MKLN1: variants seen among roughly 807,000 people sequenced by gnomAD.
MKLN1 encodes muskelin 1, also known as muskelin.
In MKLN1, 18 loss-of-function variants were observed where a neutral mutation model predicts 99.0. The observed-to-expected ratio is 0.18, with a 90% CI of 0.13 to 0.27. MKLN1 has a LOEUF of 0.27. MKLN1 is among the 10% of genes least tolerant of loss of function. The pLI, the probability that MKLN1 is intolerant of heterozygous loss-of-function variation, is 1.00. For synonymous variants in MKLN1, 288 were observed against 293.2 expected (o/e 0.98, Z 0.18); for missense variants, 621 against 875.9 (o/e 0.71, Z 3.67).
At chr7:131,360,834 G>C (rs1483493954) in intron 1 of MKLN1, among the ~76,000 whole-genome samples, 1 of 152,008 alleles carries the variant, frequency 6.6e-6, no homozygotes, top group Non-Finnish European at 1.5e-5. Flanking sequence ...CATGTCTACT[G>C]GTAACAAATT....
chr7:131,417,263 G>C (rs1170020570), intron 8 of MKLN1, among the ~76,000 whole-genome samples: 1 of 152,144 alleles, frequency 6.6e-6, no homozygotes. Flanking sequence ...ACACTTTTAA[G>C]CAAATATTTC....
In MKLN1 at chr7:131,387,167, A is replaced by C. The variant is rs374896170; in HGVS notation, c.216A>C (p.Thr72=). ...LERPAIVQNI[T]FGKYEKTHVC... is the part of the protein sequence containing the mutation. ...GGCCTGCTATAGTTCAGAATATCACATTTGGAAAATATGAGAAAACTCATG... is the reference window on the plus strand; with the variant it reads ...GGCCTGCTATAGTTCAGAATATCACCTTTGGAAAATATGAGAAAACTCATG... Residue 72 remains threonine (T), a synonymous_variant, in exon 3 of 18, where the codon ACA becomes ACC. Coordinates refer to ENST00000352689, the MANE Select transcript of MKLN1 (RefSeq NM_013255.5). 4.3e-6 allele frequency: 7 copies of C among 1,612,726 alleles called. No individual in the cohort carries two copies. The highest frequency in any genetic ancestry group is 4.2e-6 in the Non-Finnish European group (5 of 1,179,400).
chr7:131,272,587 G>T (rs1347455751), intron 3 of MKLN1, among the ~76,000 whole-genome samples: 1 of 152,164 alleles, frequency 6.6e-6, no homozygotes, highest in African/African-American at 2.4e-5. Flanking sequence ...CAGTGTATTA[G>T]TCCATTTTTA....
At chr7:131,329,896 G>A (rs1161566844) in intron 1 of MKLN1, among the ~76,000 whole-genome samples, 7 of 152,178 alleles carry the variant, frequency 4.6e-5, no homozygotes, top group African/African-American at 9.7e-5. Flanking sequence ...TAATACATAC[G>A]TAACTTTCAT....
chr7:131,401,057 C>T (rs1292890211), intron 6 of MKLN1, among the ~76,000 whole-genome samples: 2 of 152,042 alleles, frequency 1.3e-5, no homozygotes, highest in African/African-American at 4.8e-5. Flanking sequence ...GGCTTCTGCT[C>T]TATTAAAAAC....
chr7:131,352,823 T>G (rs926977483), intron 1 of MKLN1, among the ~76,000 whole-genome samples: 1 of 152,180 alleles, frequency 6.6e-6, no homozygotes, highest in African/African-American at 2.4e-5. Flanking sequence ...TTTTCAGCTT[T>G]TAGTGATTCC....
chr7:131,405,441 T>C (rs556132701), intron 6 of MKLN1, among the ~76,000 whole-genome samples: 1 of 152,232 alleles, frequency 6.6e-6, no homozygotes, highest in East Asian at 1.9e-4. Flanking sequence ...TTTTCTGTTA[T>C]TTCCTGTGTC....
At chr7:131,168,615 G>T (rs552584023) in intron 2 of MKLN1, among the ~76,000 whole-genome samples, 21 of 152,174 alleles carry the variant, frequency 1.4e-4, no homozygotes, top group Non-Finnish European at 2.4e-4. Context: ...ATAATATCAT[G>T]GCTGAGAAAC....
intron 1 of MKLN1, among the ~76,000 whole-genome samples, chr7:131,373,905 G>GT (rs1184518353): frequency 6.6e-6 from 1 of 152,126 alleles, no homozygotes; most frequent in Non-Finnish European, 1.5e-5. Context: ...CCTCTGGTCT[G>GT]TGAGTTTCTC....
chr7:131,485,894 CTG>C (rs1314753920), intron 17 of MKLN1, among the ~76,000 whole-genome samples: 3 of 151,962 alleles, frequency 2.0e-5, no homozygotes, highest in African/African-American at 4.8e-5. Flanking sequence ...GGAAACATGA[CTG>C]TAAAAAAGTG....
chr7:131,466,835 G>T (rs1465724655), intron 15 of MKLN1, among the ~76,000 whole-genome samples: 1 of 152,078 alleles, frequency 6.6e-6, no homozygotes, highest in Non-Finnish European at 1.5e-5. Context: ...TTCAAAGCTT[G>T]TAGTTTTATG....
intron 3 of MKLN1, among the ~76,000 whole-genome samples, chr7:131,256,800 G>A (rs1227871238): frequency 1.3e-5 from 2 of 152,154 alleles, no homozygotes; most frequent in African/African-American, 4.8e-5. Context: ...GACTCCAAAA[G>A]GGTGGAGGGA....
At chr7:131,214,195 T>A (rs1469953200) in intron 3 of MKLN1, among the ~76,000 whole-genome samples, 1 of 152,176 alleles carries the variant, frequency 6.6e-6, no homozygotes, top group Non-Finnish European at 1.5e-5. Context: ...GCCCTCGTTC[T>A]CCTTTCTAGC....
At chr7:131,265,204 G>A (rs1021831935) in intron 3 of MKLN1, among the ~76,000 whole-genome samples, 1 of 152,066 alleles carries the variant, frequency 6.6e-6, no homozygotes, top group Non-Finnish European at 1.5e-5. Context: ...TACCTTTGAC[G>A]AAATAATGCT....
intron 2 of MKLN1, among the ~76,000 whole-genome samples, chr7:131,183,000 T>C (rs1796397326): frequency 6.6e-6 from 1 of 152,214 alleles, no homozygotes; most frequent in African/African-American, 2.4e-5. Context: ...AAGATAATTA[T>C]GAGATGAAAT....
chr7:131,290,880 T>C (rs1798205441), intron 3 of MKLN1, among the ~76,000 whole-genome samples: 1 of 152,158 alleles, frequency 6.6e-6, no homozygotes, highest in African/African-American at 2.4e-5. Flanking sequence ...CAACATGAGC[T>C]AAAAGCTATA....
intron 3 of MKLN1, among the ~76,000 whole-genome samples, chr7:131,301,050 A>G (rs4731785): frequency 0.49 from 74,242 of 152,084 alleles, 18,563 homozygotes; most frequent in Admixed American, 0.6. Flanking sequence ...TTGGCTGTAC[A>G]TAGACATCTT....
At chr7:131,436,498 G>C (rs1795679219) in intron 9 of MKLN1, among the ~76,000 whole-genome samples, 1 of 152,148 alleles carries the variant, frequency 6.6e-6, no homozygotes, top group African/African-American at 2.4e-5. Context: ...AAAATAATCT[G>C]AAATTGTGAA....
At chr7:131,165,401 G>T (rs1796109167) in intron 2 of MKLN1, among the ~76,000 whole-genome samples, 1 of 152,114 alleles carries the variant, frequency 6.6e-6, no homozygotes, top group South Asian at 2.1e-4. Context: ...TGGCCAGGCT[G>T]GTCTCGAACT....
Sources: gnomAD v4.1 joint callset for allele counts (sites outside exome capture counted in the v4.1 genomes callset) on GRCh38, gnomAD v4.1.1 for gene constraint, MANE v1.5 for transcripts, NCBI Gene and HGNC (gene_info 2026-07-23, HGNC 2026-07-21) for gene names.